The following AGBL1 variants were observed in gnomAD, a reference collection of about 807,000 sequenced individuals.
AGBL1 encodes the protein AGBL carboxypeptidase 1, also known as cytosolic carboxypeptidase 4.
Under a neutral mutation model 118.9 loss-of-function variants are expected in AGBL1, and 130 were observed. The ratio of observed to expected loss-of-function variants is 1.09; its 90% CI spans 0.95 to 1.26. AGBL1 has a LOEUF of 1.26. AGBL1 is among the 50% of genes most tolerant of loss of function. AGBL1 has a pLI of 0.00. For synonymous variants in AGBL1, 555 were observed against 478.9 expected, an observed-to-expected ratio of 1.16 and a Z score of -2.08; for missense variants, 1,584 against 1,298.1, an observed-to-expected ratio of 1.22 and a Z score of -3.38.
chr15:86,797,447 C>A (rs1219550706), intron 22 of AGBL1, among the ~76,000 whole-genome samples: 3 of 152,178 alleles, frequency 2.0e-5, no homozygotes, highest in African/African-American at 7.2e-5. Flanking sequence ...TTCTCTTCCT[C>A]ATGCCAGAAC....
chr15:86,854,132 C>T (rs560843166), intron 22 of AGBL1, among the ~76,000 whole-genome samples: 1 of 152,280 alleles, frequency 6.6e-6, no homozygotes, highest in South Asian at 2.1e-4. Context: ...TCTCTACCAA[C>T]TCTGTCATCC....
intron 21 of AGBL1, among the ~76,000 whole-genome samples, chr15:86,655,429 A>G (rs2085447004): frequency 6.6e-6 from 1 of 152,180 alleles, no homozygotes; most frequent in African/African-American, 2.4e-5. Flanking sequence ...CATATAAATA[A>G]CACTATTGAG....
intron 18 of AGBL1, among the ~76,000 whole-genome samples, chr15:86,397,805 G>A (rs1470737431): frequency 1.3e-5 from 2 of 152,172 alleles, no homozygotes; most frequent in Non-Finnish European, 2.9e-5. Context: ...GGGCAACACA[G>A]TGAGACCCCA....
intron 22 of AGBL1, among the ~76,000 whole-genome samples, chr15:86,694,592 T>G (rs1399853855): frequency 6.6e-6 from 1 of 152,066 alleles, no homozygotes; most frequent in Non-Finnish European, 1.5e-5. Context: ...TTTATTTCTT[T>G]CTCTTGTCTG....
chr15:86,207,684 G>T (rs922311190), intron 5 of AGBL1, among the ~76,000 whole-genome samples: 3 of 152,208 alleles, frequency 2.0e-5, no homozygotes, highest in African/African-American at 7.2e-5. Flanking sequence ...CTTTGCTGAA[G>T]TTGCTTATCA....
At chr15:86,727,311 G>A (rs1226491939) in intron 22 of AGBL1, among the ~76,000 whole-genome samples, 1 of 152,174 alleles carries the variant, frequency 6.6e-6, no homozygotes, top group Non-Finnish European at 1.5e-5. Context: ...CTGGCTAAAT[G>A]TGCGAATTCA....
chr15:86,379,336 G>A (rs1038315212), intron 17 of AGBL1, among the ~76,000 whole-genome samples: 5 of 152,144 alleles, frequency 3.3e-5, no homozygotes, highest in African/African-American at 7.2e-5. Context: ...AAATTAATAC[G>A]ATAATATCCA....
intron 17 of AGBL1, among the ~76,000 whole-genome samples, chr15:86,299,073 A>C (rs2079704471): frequency 6.6e-6 from 1 of 152,158 alleles, no homozygotes; most frequent in Admixed American, 6.6e-5. Flanking sequence ...TTTTCAGTTG[A>C]GTCGTCACCA....
At chr15:86,618,176 A>G (rs2084756984) in intron 21 of AGBL1, among the ~76,000 whole-genome samples, 1 of 152,216 alleles carries the variant, frequency 6.6e-6, no homozygotes, top group African/African-American at 2.4e-5. Flanking sequence ...GTTTGATATC[A>G]GAGAAGATAA....
intron 19 of AGBL1, among the ~76,000 whole-genome samples, chr15:86,523,760 T>C (rs1371892862): frequency 6.6e-6 from 1 of 152,224 alleles, no homozygotes; most frequent in Non-Finnish European, 1.5e-5. Flanking sequence ...ATCTAGGCTG[T>C]TTTCCCAAGC....
chr15:86,416,452 C>T (rs2081696745), intron 18 of AGBL1, among the ~76,000 whole-genome samples: 1 of 152,114 alleles, frequency 6.6e-6, no homozygotes. Flanking sequence ...GGGGAGACTG[C>T]AGCACATTAG....
chr15:86,479,558 A>G (rs2082618638), intron 18 of AGBL1, among the ~76,000 whole-genome samples: 1 of 152,240 alleles, frequency 6.6e-6, no homozygotes, highest in African/African-American at 2.4e-5. Context: ...TAGAATGGTG[A>G]TCATTAAAAA....
chr15:86,642,455 G>A (rs1414730081), intron 21 of AGBL1, among the ~76,000 whole-genome samples: 1 of 151,620 alleles, frequency 6.6e-6, no homozygotes, highest in African/African-American at 2.4e-5. Context: ...TTTTCTTCCA[G>A]CGTTTCACTA....
chr15:86,142,119 G>A (rs541315509), intron 2 of AGBL1, 52 bp downstream of exon 2: 2 of 1,531,170 alleles, frequency 1.3e-6, no homozygotes, highest in African/African-American at 2.7e-5. Context: ...GAGCCTGCTG[G>A]CTGTGATCTC....
chr15:86,811,552 G>C (rs967731809), intron 22 of AGBL1, among the ~76,000 whole-genome samples: 1 of 152,108 alleles, frequency 6.6e-6, no homozygotes, highest in Non-Finnish European at 1.5e-5. Flanking sequence ...CCTGTGTAAA[G>C]AGCTCTCCCA....
In AGBL1 at chr15:86,097,054, A is replaced by G. The variant is rs137951021; in HGVS notation, c.51+17031A>G. On this transcript the variant is annotated intron_variant, in intron 1 of 22. Transcript: ENST00000614907. The stretch of plus-strand genomic sequence containing the variant: ...CGCTCAAACCTGCAGACTCACTTCT[A>G]GAATTCTATTACCTCTGCATATGTA... Among the ~76,000 whole-genome samples the G allele has an allele frequency of 3.1e-3, 467 of 152,276 alleles. 16 individuals carry two copies. In the South Asian group the frequency reaches 0.066, roughly 22 times the overall value.
intron 24 of AGBL1, among the ~76,000 whole-genome samples, chr15:86,989,214 T>C (rs2081313905): frequency 1.3e-5 from 2 of 152,104 alleles, no homozygotes; most frequent in Non-Finnish European, 2.9e-5. Context: ...TTGCCTGGGC[T>C]GGTCTCCAGC....
At chr15:86,093,630 C>T (rs1159681592) in intron 1 of AGBL1, among the ~76,000 whole-genome samples, 3 of 152,024 alleles carry the variant, frequency 2.0e-5, no homozygotes, top group African/African-American at 7.2e-5. Context: ...AATAAAAGAA[C>T]CAAAACGAAC....
intron 24 of AGBL1, among the ~76,000 whole-genome samples, chr15:86,999,784 T>C (rs1293437457): frequency 2.1e-5 from 3 of 143,810 alleles, no homozygotes; most frequent in Non-Finnish European, 3.0e-5. Flanking sequence ...CAGTTCTAGA[T>C]CCCTGAGGAA....
Sources: gnomAD v4.1 joint callset for allele counts (sites outside exome capture counted in the v4.1 genomes callset) on GRCh38, gnomAD v4.1.1 for gene constraint, MANE v1.5 for transcripts, NCBI Gene and HGNC (gene_info 2026-07-23, HGNC 2026-07-21) for gene names.